REG3A: variants seen among roughly 807,000 people sequenced by gnomAD.
REG3A encodes the protein regenerating family member 3 alpha, also known as regenerating islet-derived protein 3-alpha.
Under a neutral mutation model 20.5 loss-of-function variants are expected in REG3A, and 15 were observed. The ratio of observed to expected loss-of-function variants is 0.73; its 90% CI spans 0.49 to 1.12. The LOEUF (loss-of-function observed/expected upper bound fraction) is 1.12. Among genes scored for constraint, REG3A ranks in the 50% most tolerant of loss-of-function variants. REG3A has a pLI of 0.00. For missense variants in REG3A, 224 were observed against 213.1 expected (o/e 1.05, Z -0.32); for synonymous variants, 93 against 83.2 (o/e 1.12, Z -0.64).
At chr2:79,157,755 A>G (rs1673348761) in intron 4 of REG3A, 57 bp from the exon 5 acceptor site, 2 of 1,579,494 alleles carry the variant, frequency 1.3e-6, no homozygotes, top group Non-Finnish European at 1.7e-6. Context: ...CTCTTCTTGC[A>G]TGGCCCCTTA....
rs1398125086 is a variant in REG3A, at chr2:79,157,078, G to A, written c.*148C>T. 3.0e-5 allele frequency: 20 copies of A among 671,136 alleles called. No homozygotes were observed. Among genetic ancestry groups the A allele is most frequent in the South Asian group, 1.6e-4 (9 of 55,050 alleles). The allele number at this position is 671,136 out of a possible 1,614,324, so 41.6% of individuals were successfully genotyped here. A position where few individuals can be genotyped will look rare whatever the true frequency, so the allele number is the denominator to read the frequency against. ...AAAATGAAGAGACTGAAATGACAGC[G>A]GGGAGGAAGAAACAGAAGAAAGATA... On this transcript the variant is annotated 3_prime_UTR_variant, in exon 6 of 6. Coordinates refer to ENST00000305165, the MANE Select transcript of REG3A (RefSeq NM_002580.3).
rs142258321 is a variant in REG3A at position 79,157,247 on chromosome 2, A to G, written c.507T>C (p.Tyr169=). ...KDYNCNVRLP[Y]VCKFTD ...TGCACTAGTCAGTGAACTTGCAGAC[A>G]TAGGGTAACCTCACATTACAGTTAT... The change falls in exon 6 of 6, where the codon TAT becomes TAC. Residue 169 remains tyrosine, a synonymous_variant. Transcript: ENST00000305165. The G allele has an allele frequency of 3.1e-5, 50 of 1,614,036 alleles. No homozygotes were observed. In the African/African-American group the frequency reaches 5.7e-4, roughly 18 times the overall value.
At chr2:79,158,562 G>A in intron 3 of REG3A, 89 bp downstream of exon 3, 2 of 1,603,922 alleles carry the variant, frequency 1.2e-6, no homozygotes, top group Non-Finnish European at 8.5e-7. Context: ...AGATAAACGT[G>A]TTCATCCTCA....
Position 79,157,111 on chromosome 2 carries a change from G to T in REG3A, c.*115C>A, listed in dbSNP as rs1038894800. On this transcript the variant is annotated 3_prime_UTR_variant, in exon 6 of 6. Transcript: ENST00000305165. ...AGAAACAGAAGAAAGATAAGAATGA[G>T]GTGGTCAGGTTGGGGGAATTAAGCG... 5.2e-6 allele frequency: 4 copies of T among 773,708 alleles called. No homozygotes were observed. The highest frequency in any genetic ancestry group is 3.9e-5 in the Admixed American group (2 of 51,570). 47.9% of individuals were successfully genotyped at this position (773,708 alleles called of 1,614,324 possible). A position where few individuals can be genotyped will look rare whatever the true frequency, so the allele number is the denominator to read the frequency against.
chr2:79,159,207 A>G (rs1673389633), intron 2 of REG3A, 123 bp downstream of exon 2: 5 of 995,526 alleles, frequency 5.0e-6, no homozygotes. Context: ...AGATGATGCA[A>G]GAACTGCAGG....
chr2:79,159,489 A>G, intron 1 of REG3A, 50 bp from the exon 2 acceptor site: 1 of 1,366,912 alleles, frequency 7.3e-7, no homozygotes. Context: ...CCACTGCCTC[A>G]TGTCATTTTC....
chr2:79,157,151 G>T lies in REG3A; in HGVS notation c.*75C>A. ...GGAATTAAGCGAATATTCTCTTCCA[G>T]GGTGAGTCCTCACACTGGTCTCATG... On this transcript the variant is annotated 3_prime_UTR_variant, in exon 6 of 6. Coordinates refer to ENST00000305165, the MANE Select transcript of REG3A (RefSeq NM_002580.3). 8.8e-7 allele frequency: 1 copy of T among 1,134,116 alleles called. No homozygotes were observed. The highest frequency in any genetic ancestry group is 1.3e-6 in the Non-Finnish European group (1 of 743,734). The allele number at this position is 1,134,116 out of a possible 1,614,324, so 70.3% of individuals were successfully genotyped here.
rs369432431 is a variant in REG3A at position 79,159,415 on chromosome 2, G to A, written c.-10C>T. 6.1e-5 allele frequency: 98 copies of A among 1,613,536 alleles called. No homozygotes were observed. The highest frequency in any genetic ancestry group is 2.3e-4 in the Admixed American group (14 of 59,910). ...CCATGGGAGGCAGCATAGTGTCTGC[G>A]ACTTGAGGAGGCAATCAGGAGTCAC... On this transcript the variant is annotated 5_prime_UTR_variant, in exon 2 of 6. Coordinates refer to ENST00000305165, the MANE Select transcript of REG3A (RefSeq NM_002580.3).
chr2:79,157,938 T>C (rs950786148), intron 4 of REG3A, among the ~76,000 whole-genome samples: 1 of 152,284 alleles, frequency 6.6e-6, no homozygotes, highest in Middle Eastern at 3.4e-3. Context: ...AGAACAATAA[T>C]TGATGTAGCA....
At chr2:79,157,770 C>T (rs1313799970) in intron 4 of REG3A, 72 bp from the exon 5 acceptor site, 2 of 1,553,066 alleles carry the variant, frequency 1.3e-6, no homozygotes, top group Non-Finnish European at 1.7e-6. Context: ...CCCTTAGCTG[C>T]AACACCTGAT....
At chr2:79,158,544 T>C (rs1259176978) in intron 3 of REG3A, 81 bp from the exon 4 acceptor site, 2 of 1,603,126 alleles carry the variant, frequency 1.2e-6, no homozygotes, top group African/African-American at 1.3e-5. Context: ...GGAGGAGGAC[T>C]GTGTGAAAGA....
intron 1 of REG3A, 27 bp downstream of exon 1, chr2:79,159,701 T>C: frequency 2.9e-6 from 1 of 341,138 alleles, no homozygotes; most frequent in Admixed American, 3.8e-5. Context: ...CCTCCCTGGG[T>C]CTCATCTTCT....
Position 79,157,086 on chromosome 2 carries a change from A to C in REG3A, c.*140T>G. On this transcript the variant is annotated 3_prime_UTR_variant, in exon 6 of 6. Coordinates refer to ENST00000305165, the MANE Select transcript of REG3A (RefSeq NM_002580.3). ...GAGACTGAAATGACAGCGGGGAGGA[A>C]GAAACAGAAGAAAGATAAGAATGAG... The C allele has an allele frequency of 1.4e-6, 1 of 692,170 alleles. No homozygotes were observed. The highest frequency in any genetic ancestry group is 2.6e-6 in the Non-Finnish European group (1 of 390,898). The allele number at this position is 692,170 out of a possible 1,614,324, so 42.9% of individuals were successfully genotyped here.
At chr2:79,159,253 A>G in intron 2 of REG3A, 77 bp downstream of exon 2, 1 of 1,469,738 alleles carries the variant, frequency 6.8e-7, no homozygotes, top group Non-Finnish European at 9.5e-7. Context: ...ACCTCACATG[A>G]CACACAGGAG....
Position 79,158,869 on chromosome 2 carries a change from C to G in REG3A, c.77-100G>C, listed in dbSNP as rs577021460. The G allele has an allele frequency of 1.8e-4, 152 of 861,986 alleles. 1 individual carries two copies. The highest frequency in any genetic ancestry group is 2.6e-4 in the Non-Finnish European group (140 of 547,340). 53.4% of individuals were successfully genotyped at this position (861,986 alleles called of 1,614,324 possible). On this transcript the variant is annotated intron_variant, in intron 2 of 5. Coordinates refer to ENST00000305165, the MANE Select transcript of REG3A (RefSeq NM_002580.3). ...TAGGAATGTCCTTGGGGAGGAAGACCACATTCCTGACACCCCTTCATCTTC... is the reference window on the plus strand; with the variant it reads ...TAGGAATGTCCTTGGGGAGGAAGACGACATTCCTGACACCCCTTCATCTTC...
chr2:79,158,265 A>T, intron 4 of REG3A, 61 bp downstream of exon 4: 1 of 1,569,184 alleles, frequency 6.4e-7, no homozygotes, highest in Non-Finnish European at 8.7e-7. Context: ...GGGGACAGGG[A>T]GTGGGCCTGG....
intron 1 of REG3A, 135 bp from the exon 2 acceptor site, chr2:79,159,574 T>A (rs1673401701): frequency 1.5e-5 from 10 of 664,358 alleles, no homozygotes; most frequent in Non-Finnish European, 2.6e-5. Flanking sequence ...GAGTTGTGAA[T>A]CTGTGTACTC....
rs2272110 is a variant in REG3A, at chr2:79,158,787, G to A, written c.77-18C>T. 148,486 of 1,599,114 alleles carry A rather than the reference G, an allele frequency of 0.093. 7,162 individuals are homozygous for A. Among genetic ancestry groups the A allele is most frequent in the Middle Eastern group, 0.14 (813 of 6,022 alleles). On this transcript the variant is annotated intron_variant, in intron 2 of 5. Transcript: ENST00000305165. ...TTCTTCACCTGAGGTGGAAGAAGAG[G>A]GGGGAGGGTAAAATGAAGAGTGGGG...
intron 4 of REG3A, 34 bp downstream of exon 4, chr2:79,158,292 G>A (rs1329605571): frequency 1.9e-6 from 3 of 1,604,248 alleles, no homozygotes; most frequent in African/African-American, 2.7e-5. Flanking sequence ...ATAGCACCTT[G>A]AGAGGTAACA....
Sources: allele counts gnomAD v4.1 joint callset (sites outside exome capture counted in the v4.1 genomes callset), GRCh38; gene constraint gnomAD v4.1.1; transcripts MANE v1.5; gene names NCBI Gene and HGNC (gene_info 2026-07-23, HGNC 2026-07-21).